The following PCDHA11 variants were observed in gnomAD, a reference collection of about 807,000 sequenced individuals.
PCDHA11 encodes the protein protocadherin alpha-11.
Under a neutral mutation model 70.3 loss-of-function variants are expected in PCDHA11, and 61 were observed. That is an observed-to-expected ratio of 0.87 (90% CI 0.71 to 1.07). The LOEUF is 1.07. Ranked by LOEUF, PCDHA11 falls within the 50% of genes least tolerant of loss-of-function variation. The pLI, the probability that PCDHA11 is intolerant of heterozygous loss-of-function variation, is 0.00. For missense variants in PCDHA11, 1,324 were observed against 1,237.5 expected, an observed-to-expected ratio of 1.07 and a Z score of -1.05; for synonymous variants, 633 against 555.1, an observed-to-expected ratio of 1.14 and a Z score of -1.97.
intron 1 of PCDHA11, chr5:140,928,054 A>T (rs2084892451): frequency 1.2e-6 from 2 of 1,613,994 alleles, no homozygotes; most frequent in Non-Finnish European, 1.7e-6. Flanking sequence ...TTTTCAGCTG[A>T]CGGCTTCCTT....
intron 1 of PCDHA11, among the ~76,000 whole-genome samples, chr5:140,894,820 C>A (rs149254580): frequency 3.2e-4 from 49 of 152,072 alleles, no homozygotes; most frequent in African/African-American, 1.2e-3. Flanking sequence ...ATCAGATTTG[C>A]CCATAATCCT....
chr5:140,870,977 T>C lies in PCDHA11; in HGVS notation c.1874T>C (p.Leu625Pro). 1.2e-6 allele frequency: 2 copies of C among 1,613,584 alleles called. No homozygotes were observed. Reference sequence around the variant, plus strand: ...TCGCGCATCCCGTTCCGCGTGGGGCTGTACACGGGCGAGATAAGCACAACG... The same window carrying C: ...TCGCGCATCCCGTTCCGCGTGGGGCCGTACACGGGCGAGATAAGCACAACG... ...GGSRIPFRVG[L>P]YTGEISTTRA... Residue 625 changes from leucine (L) to proline (P), a missense_variant, in exon 1 of 4, where the codon CTG (leucine) becomes CCG (proline). Physicochemically the swap from Leu to Pro is moderately conservative, Grantham distance 98. Coordinates refer to ENST00000398640, the MANE Select transcript of PCDHA11 (RefSeq NM_018902.5).
intron 1 of PCDHA11, among the ~76,000 whole-genome samples, chr5:140,895,893 C>A (rs899081253): frequency 6.6e-6 from 1 of 152,188 alleles, no homozygotes; most frequent in African/African-American, 2.4e-5. Context: ...CTCACTGCAA[C>A]CTCCGCGTCC....
intron 3 of PCDHA11, among the ~76,000 whole-genome samples, chr5:141,006,406 G>T (rs553100919): frequency 6.6e-6 from 1 of 151,932 alleles, no homozygotes; most frequent in African/African-American, 2.4e-5. Flanking sequence ...GTAGAGACGC[G>T]GTTTCACTGT....
At position 140,870,896 on chromosome 5, in the gene PCDHA11, C is replaced by A. The variant is rs946837071; in HGVS notation, c.1793C>A (p.Ala598Glu). ...GTGGCGAAGGTGCGCGCAGTGGATG[C>A]GGACTCAGGCTACAACGCGTGGCTT... ...HVVAKVRAVD[A>E]DSGYNAWLSY... The change falls in exon 1 of 4, where the codon GCG (alanine) becomes GAG (glutamate). Residue 598 changes from alanine to glutamate, a missense_variant. By Grantham distance (107) the Ala-to-Glu change is moderately radical (BLOSUM62 -1). Coordinates refer to ENST00000398640, the MANE Select transcript of PCDHA11 (RefSeq NM_018902.5). 7 of 1,613,822 alleles carry A rather than the reference C, an allele frequency of 4.3e-6. No homozygotes were observed. The highest frequency in any genetic ancestry group is 5.9e-6 in the Non-Finnish European group (7 of 1,179,916).
chr5:140,974,182 A>G (rs2096618692), intron 1 of PCDHA11, among the ~76,000 whole-genome samples: 1 of 152,248 alleles, frequency 6.6e-6, no homozygotes, highest in Non-Finnish European at 1.5e-5. Context: ...AACTTGACAA[A>G]TGCAAAGGAA....
intron 1 of PCDHA11, among the ~76,000 whole-genome samples, chr5:140,889,953 A>G (rs2062443064): frequency 6.6e-6 from 1 of 152,214 alleles, no homozygotes; most frequent in Non-Finnish European, 1.5e-5. Context: ...AGCCAAATGG[A>G]TAGAAAAATT....
In PCDHA11 at chr5:140,877,128, G is replaced by T. The variant is rs782052511; in HGVS notation, c.2391+5634G>T. On this transcript the variant is annotated intron_variant, in intron 1 of 3. Coordinates refer to ENST00000398640, the MANE Select transcript of PCDHA11 (RefSeq NM_018902.5). ...CTCTGGGCAGCAACGTGACGCTGCA[G>T]GTGTTCGTGCTGGACGAGAACGACA... is the stretch of plus-strand genomic sequence containing the variant. 3.1e-6 allele frequency: 5 copies of T among 1,613,644 alleles called. No homozygotes were observed. The African/African-American group carries it at 5.3e-5, about 17-fold the overall frequency.
intron 1 of PCDHA11, among the ~76,000 whole-genome samples, chr5:140,924,534 C>G (rs1488047727): frequency 1.3e-5 from 2 of 152,134 alleles, no homozygotes; most frequent in African/African-American, 2.4e-5. Context: ...AATGCCCGAG[C>G]TACCCCTCTC....
chr5:140,888,620 C>T lies in PCDHA11; in HGVS notation c.2391+17126C>T, dbSNP rs183005411. Among the ~76,000 whole-genome samples the T allele has an allele frequency of 3.4e-3, 514 of 152,264 alleles. 3 individuals are homozygous for T. The highest frequency in any genetic ancestry group is 0.014 in the Middle Eastern group (4 of 294). On this transcript the variant is annotated intron_variant, in intron 1 of 3. Coordinates refer to ENST00000398640, the MANE Select transcript of PCDHA11 (RefSeq NM_018902.5). ...AGCAGCTTTTAGTGTAGCACTAATT[C>T]GGCCTTCTATTACAGCAATACTTTC...
At chr5:141,000,414 TATATATA>T (rs1167743190) in intron 3 of PCDHA11, among the ~76,000 whole-genome samples, 31 of 99,528 alleles carry the variant, frequency 3.1e-4, no homozygotes, top group African/African-American at 9.8e-4. Context: ...TATATATATA[TATATATA>T]TTTTTTTTTT....
intron 3 of PCDHA11, among the ~76,000 whole-genome samples, chr5:140,996,991 T>C (rs191353108): frequency 1.6e-4 from 25 of 152,346 alleles, no homozygotes; most frequent in African/African-American, 5.3e-4. Flanking sequence ...GCAACCACTG[T>C]TAACAATTTT....
rs1562640720 is a variant in PCDHA11 at position 140,870,250 on chromosome 5, C to G, written c.1147C>G (p.Gln383Glu). 1 of 1,614,092 alleles carries G rather than the reference C, an allele frequency of 6.2e-7. No individual in the cohort carries two copies. Among genetic ancestry groups the G allele is most frequent in the African/African-American group, 1.3e-5 (1 of 74,930 alleles). Residue 383 changes from glutamine to glutamate, a missense_variant, in exon 1 of 4, where the codon CAG becomes GAG. Physicochemically the swap from Gln to Glu is conservative, Grantham distance 29. Coordinates refer to ENST00000398640, the MANE Select transcript of PCDHA11 (RefSeq NM_018902.5). ...TGACCGTGACTCAGGTGTCAACGGA[C>G]AGGTGACCTGCTCGCTGACGCCCCA... ...VSDRDSGVNG[Q>E]VTCSLTPHVP...
At chr5:140,967,872 A>C (rs2096192784) in intron 1 of PCDHA11, 2 of 1,614,034 alleles carry the variant, frequency 1.2e-6, no homozygotes, top group Non-Finnish European at 1.7e-6. Context: ...GTGCTCACGG[A>C]CCTGTATAGC....
At chr5:140,965,876 C>T (rs1416182822) in intron 1 of PCDHA11, among the ~76,000 whole-genome samples, 1 of 152,152 alleles carries the variant, frequency 6.6e-6, no homozygotes, top group African/African-American at 2.4e-5. Flanking sequence ...GCCACTTGGC[C>T]GAGAGCAGAA....
chr5:140,897,975 C>T (rs2066435180), intron 1 of PCDHA11, among the ~76,000 whole-genome samples: 1 of 152,228 alleles, frequency 6.6e-6, no homozygotes. Context: ...CTTTTGGCTG[C>T]ATAAATGTCT....
chr5:140,900,683 T>C (rs144072569), intron 1 of PCDHA11, among the ~76,000 whole-genome samples: 52 of 152,340 alleles, frequency 3.4e-4, no homozygotes, highest in African/African-American at 9.9e-4. Context: ...ATCTCTTCAA[T>C]ATACTGATTT....
At chr5:140,890,356 T>C (rs139351817) in intron 1 of PCDHA11, among the ~76,000 whole-genome samples, 50 of 152,308 alleles carry the variant, frequency 3.3e-4, no homozygotes, top group African/African-American at 1.2e-3. Context: ...TATATAGCAA[T>C]GGATAACCTG....
chr5:140,930,196 T>A (rs1554207641), intron 1 of PCDHA11: 3 of 152,226 alleles, frequency 2.0e-5, no homozygotes, highest in African/African-American at 7.2e-5. Context: ...AATTTTTATG[T>A]CAGAAATATT....
Sources: allele counts gnomAD v4.1 joint callset (sites outside exome capture counted in the v4.1 genomes callset), GRCh38; gene constraint gnomAD v4.1.1; transcripts MANE v1.5; gene names NCBI Gene and HGNC (gene_info 2026-07-23, HGNC 2026-07-21).